The following HEPHL1 variants were observed in gnomAD, a reference collection of about 807,000 sequenced individuals.
The protein encoded by HEPHL1 is hephaestin like 1.
Under a neutral mutation model 122.0 loss-of-function variants are expected in HEPHL1, and 123 were observed. The observed-to-expected ratio is 1.01, with a 90% CI of 0.87 to 1.17. HEPHL1 has a LOEUF of 1.17. HEPHL1 is among the 50% of genes most tolerant of loss of function. The pLI is 0.00. For missense variants in HEPHL1, 1,452 were observed against 1,430.5 expected (o/e 1.01, Z -0.24); for synonymous variants, 527 against 508.9 (o/e 1.04, Z -0.48).
chr11:94,077,486 A>G (rs1193388987), intron 9 of HEPHL1, among the ~76,000 whole-genome samples: 1 of 152,218 alleles, frequency 6.6e-6, no homozygotes, highest in Non-Finnish European at 1.5e-5. Context: ...ATCATGGAGA[A>G]TGGGGTATTC....
intron 9 of HEPHL1, among the ~76,000 whole-genome samples, chr11:94,082,043 C>T (rs775545386): frequency 1.5e-4 from 23 of 152,154 alleles, no homozygotes; most frequent in Non-Finnish European, 2.8e-4. Context: ...GCCAGGGTGT[C>T]TGGAGCAAGC....
chr11:94,037,401 C>T (rs1406514864), intron 1 of HEPHL1, among the ~76,000 whole-genome samples: 1 of 152,000 alleles, frequency 6.6e-6, no homozygotes, highest in Admixed American at 6.5e-5. Flanking sequence ...TCTGTAGGCT[C>T]CACCTCTGGG....
intron 1 of HEPHL1, among the ~76,000 whole-genome samples, chr11:94,021,920 GT>G (rs1449081296): frequency 2.0e-5 from 3 of 152,126 alleles, no homozygotes; most frequent in African/African-American, 7.2e-5. Flanking sequence ...AAAACACAGT[GT>G]TTTCTTAGTT....
chr11:94,111,921 G>T lies in HEPHL1; in HGVS notation c.*27G>T. 6.8e-7 allele frequency: 1 copy of T among 1,476,370 alleles called. No homozygotes were observed. Among genetic ancestry groups the T allele is most frequent in the Non-Finnish European group, 9.0e-7 (1 of 1,108,456 alleles). The allele number at this position is 1,476,370 out of a possible 1,614,324, so 91.5% of individuals were successfully genotyped here. ...CCATCTGGTCTCCCTCAACAGGAAA[G>T]GGTGATGTCCCACAGCTGGCCAGAT... On this transcript the variant is annotated 3_prime_UTR_variant, in exon 20 of 20. Coordinates refer to ENST00000315765, the MANE Select transcript of HEPHL1 (RefSeq NM_001098672.2).
chr11:94,110,200 T>C (rs1335730023), intron 17 of HEPHL1, among the ~76,000 whole-genome samples: 2 of 152,200 alleles, frequency 1.3e-5, no homozygotes, highest in African/African-American at 4.8e-5. Flanking sequence ...TGTGTCCTTT[T>C]CCCTTTTCCC....
intron 10 of HEPHL1, among the ~76,000 whole-genome samples, chr11:94,084,211 C>A (rs1946197253): frequency 6.6e-6 from 1 of 151,766 alleles, no homozygotes; most frequent in Admixed American, 6.6e-5. Flanking sequence ...GTAGTCCCAG[C>A]TGCTACTCAG....
chr11:94,024,313 T>C (rs540995357), intron 1 of HEPHL1, among the ~76,000 whole-genome samples: 1 of 152,344 alleles, frequency 6.6e-6, no homozygotes, highest in African/African-American at 2.4e-5. Context: ...AATATCACTT[T>C]CCTTAATTTG....
chr11:94,032,447 C>G (rs995489881), intron 1 of HEPHL1, among the ~76,000 whole-genome samples: 2 of 152,196 alleles, frequency 1.3e-5, no homozygotes, highest in South Asian at 2.1e-4. Context: ...TTAAACCTTG[C>G]TGCGCTCTCT....
chr11:94,067,553 CTG>C lies in HEPHL1; in HGVS notation c.870_871del (p.Ser291LeufsTer9), dbSNP rs1946044265. 1 of 1,613,514 alleles carries C rather than the reference CTG, an allele frequency of 6.2e-7. No homozygotes were observed. Among genetic ancestry groups the C allele is most frequent in the East Asian group, 2.2e-5 (1 of 44,882 alleles). ...GAGCCTGATATGTGTGTTGGAGAATCTGTGTCCTGGCACCTATTTGGAATGGG... is the reference window on the plus strand; with the variant it reads ...GAGCCTGATATGTGTGTTGGAGAATCTGTCCTGGCACCTATTTGGAATGGG... On this transcript the variant is annotated frameshift_variant, in exon 5 of 20. Transcript: ENST00000315765. LOFTEE classifies it high-confidence loss of function.
chr11:94,071,543 C>T (rs1379353300), intron 6 of HEPHL1, among the ~76,000 whole-genome samples: 2 of 152,088 alleles, frequency 1.3e-5, no homozygotes, highest in African/African-American at 4.8e-5. Flanking sequence ...GAAGTGCCTT[C>T]TGAAATAGGA....
chr11:94,096,584 G>A (rs1946316346), intron 13 of HEPHL1, among the ~76,000 whole-genome samples: 1 of 152,190 alleles, frequency 6.6e-6, no homozygotes, highest in Non-Finnish European at 1.5e-5. Context: ...AATAGTTTCA[G>A]AAGGAATGGT....
At position 94,045,725 on chromosome 11, in the gene HEPHL1, A is replaced by G; in HGVS notation, c.223A>G (p.Lys75Glu). The G allele has an allele frequency of 6.2e-7, 1 of 1,613,342 alleles. No homozygotes were observed. Among genetic ancestry groups the G allele is most frequent in the Non-Finnish European group, 8.5e-7 (1 of 1,179,576 alleles). Residue 75 changes from lysine (K) to glutamate (E), a missense_variant, in exon 2 of 20, where the codon AAA (lysine) becomes GAA (glutamate). By Grantham distance (56) the Lys-to-Glu change is moderately conservative (BLOSUM62 1). Coordinates refer to ENST00000315765, the MANE Select transcript of HEPHL1 (RefSeq NM_001098672.2). ...RGPNRIGSIY[K>E]KAVYRRFTDG... Reference sequence around the variant, plus strand: ...GCCCAACAGGATAGGCAGTATTTACAAAAAGGCTGTTTACAGACGCTTCAC... The same window carrying G: ...GCCCAACAGGATAGGCAGTATTTACGAAAAGGCTGTTTACAGACGCTTCAC...
chr11:94,037,062 G>A (rs1268503877), intron 1 of HEPHL1, among the ~76,000 whole-genome samples: 4 of 152,184 alleles, frequency 2.6e-5, no homozygotes, highest in South Asian at 4.1e-4. Flanking sequence ...CCTGGGAAGC[G>A]CAAGGGGTCA....
chr11:94,079,754 G>A (rs995462241), intron 9 of HEPHL1, among the ~76,000 whole-genome samples: 6 of 152,096 alleles, frequency 3.9e-5, no homozygotes, highest in East Asian at 1.9e-4. Context: ...GGCAGGAACC[G>A]GAATACCATT....
intron 5 of HEPHL1, among the ~76,000 whole-genome samples, chr11:94,069,150 T>C (rs1946055818): frequency 6.6e-6 from 1 of 152,342 alleles, no homozygotes; most frequent in African/African-American, 2.4e-5. Flanking sequence ...CATTTGAGAC[T>C]AGTAAGATCG....
chr11:94,031,846 A>T (rs1294044315), intron 1 of HEPHL1, among the ~76,000 whole-genome samples: 1 of 152,268 alleles, frequency 6.6e-6, no homozygotes, highest in Non-Finnish European at 1.5e-5. Flanking sequence ...CTGGGCAGAT[A>T]AATAGCACGG....
chr11:94,109,158 GTTGT>G (rs1216569560), intron 17 of HEPHL1, among the ~76,000 whole-genome samples: 1 of 151,994 alleles, frequency 6.6e-6, no homozygotes, highest in East Asian at 1.9e-4. Context: ...TTGATTTATA[GTTGT>G]TTATTGCCAA....
At chr11:94,035,797 C>T (rs928001898) in intron 1 of HEPHL1, among the ~76,000 whole-genome samples, 6 of 152,090 alleles carry the variant, frequency 3.9e-5, no homozygotes, top group Admixed American at 2.6e-4. Context: ...AGTGCAGTGG[C>T]GCGATCTCGG....
chr11:94,061,203 T>C (rs1171311600), intron 2 of HEPHL1, among the ~76,000 whole-genome samples: 3 of 152,114 alleles, frequency 2.0e-5, no homozygotes, highest in African/African-American at 7.2e-5. Flanking sequence ...GCATTTGCAA[T>C]CTTCTTGAGA....
Sources: allele counts gnomAD v4.1 joint callset (sites outside exome capture counted in the v4.1 genomes callset), GRCh38; gene constraint gnomAD v4.1.1; transcripts MANE v1.5; gene names NCBI Gene and HGNC (gene_info 2026-07-23, HGNC 2026-07-21).